The following RANBP17 variants were observed in gnomAD, a reference collection of about 807,000 sequenced individuals.
RANBP17 encodes the protein ran-binding protein 17.
A neutral mutation model predicts 141.2 loss-of-function variants in RANBP17; 158 were observed. The ratio of observed to expected loss-of-function variants is 1.12; its 90% CI spans 0.98 to 1.28. The LOEUF is 1.28. Among genes scored for constraint, RANBP17 ranks in the 50% most tolerant of loss-of-function variants. The pLI is 0.00. For synonymous variants in RANBP17, 430 were observed against 450.0 expected (o/e 0.96, Z 0.56); for missense variants, 1,438 against 1,290.7 (o/e 1.11, Z -1.75).
intron 22 of RANBP17, among the ~76,000 whole-genome samples, chr5:171,224,686 G>A (rs1045902226): frequency 2.6e-5 from 4 of 152,284 alleles, no homozygotes; most frequent in Admixed American, 1.3e-4. Flanking sequence ...GAAGTGGAGT[G>A]GGGGAAGAGA....
chr5:171,221,013 C>G (rs1446399595), intron 21 of RANBP17, among the ~76,000 whole-genome samples: 1 of 152,118 alleles, frequency 6.6e-6, no homozygotes, highest in Non-Finnish European at 1.5e-5. Flanking sequence ...TTAGCAATGT[C>G]TTGCTTTTTG....
intron 14 of RANBP17, among the ~76,000 whole-genome samples, chr5:171,118,904 A>G (rs928240706): frequency 3.9e-5 from 6 of 152,194 alleles, no homozygotes; most frequent in African/African-American, 1.4e-4. Flanking sequence ...TCCAATTTAT[A>G]TGCCCTTTAT....
chr5:171,062,392 A>C (rs908396128), intron 14 of RANBP17, among the ~76,000 whole-genome samples: 2 of 152,088 alleles, frequency 1.3e-5, no homozygotes, highest in African/African-American at 4.8e-5. Flanking sequence ...TTGTCTGTAA[A>C]GTATTTTATT....
intron 22 of RANBP17, among the ~76,000 whole-genome samples, chr5:171,235,171 T>TA (rs2127992072): frequency 1.3e-5 from 2 of 152,276 alleles, no homozygotes; most frequent in East Asian, 3.9e-4. Flanking sequence ...AGTCAGCCAT[T>TA]ACATTTAGCA....
chr5:171,255,536 C>CATACTTCATAGTATGTACAT (rs1561804878), intron 24 of RANBP17, among the ~76,000 whole-genome samples: 1 of 151,906 alleles, frequency 6.6e-6, no homozygotes, highest in Non-Finnish European at 1.5e-5. Flanking sequence ...CACATCTACA[C>CATACTTCATAGTATGTACAT]CATACTTCAT....
At chr5:171,060,773 G>A (rs1472579654) in intron 14 of RANBP17, among the ~76,000 whole-genome samples, 1 of 151,956 alleles carries the variant, frequency 6.6e-6, no homozygotes, top group Non-Finnish European at 1.5e-5. Context: ...GTAGAATTCG[G>A]CTGTGAATCC....
At position 170,909,702 on chromosome 5, in the gene RANBP17, T is replaced by C. The variant is rs1771374073; in HGVS notation, c.531T>C (p.Ala177=). 3.1e-6 allele frequency: 5 copies of C among 1,597,290 alleles called. No homozygotes were observed. Among genetic ancestry groups the C allele is most frequent in the South Asian group, 1.1e-5 (1 of 90,066 alleles). The change falls in exon 6 of 28, where the codon GCT becomes GCC. Residue 177 remains alanine, a synonymous_variant. Transcript: ENST00000523189. ...CTTCAGCAAAACACAGGAAAATAGC[T>C]ACCTCATTTCGTGATACTTCTCTCA... ...SRPSAKHRKI[A]TSFRDTSLKD... is the part of the protein sequence containing the mutation.
At position 170,924,003 on chromosome 5, in the gene RANBP17, C is replaced by CT. The variant is rs549826080; in HGVS notation, c.1275-343dup. Among the ~76,000 whole-genome samples, 150 of 141,742 alleles carry CT rather than the reference C, an allele frequency of 1.1e-3. 1 individual carries two copies. In the South Asian group the frequency reaches 0.018, roughly 17 times the overall value. 93.0% of individuals were successfully genotyped at this position (141,742 alleles called of 152,430 possible). A position where few individuals can be genotyped will look rare whatever the true frequency, so the allele number is the denominator to read the frequency against. Reference sequence around the variant, plus strand: ...TTATTTTTTATTTCTTTTCTTTTTTCTTTTTTTTTTTAGAGACAGAGTCTC... The same window carrying CT: ...TTATTTTTTATTTCTTTTCTTTTTTCTTTTTTTTTTTTAGAGACAGAGTCTC... On this transcript the variant is annotated intron_variant, in intron 11 of 27. Coordinates refer to ENST00000523189, the MANE Select transcript of RANBP17 (RefSeq NM_022897.5).
chr5:170,972,060 T>C (rs1777024667), intron 14 of RANBP17, among the ~76,000 whole-genome samples: 1 of 152,124 alleles, frequency 6.6e-6, no homozygotes, highest in Non-Finnish European at 1.5e-5. Flanking sequence ...CTGTCCTAAA[T>C]TTAGTATTAT....
intron 14 of RANBP17, among the ~76,000 whole-genome samples, chr5:171,060,907 G>A (rs988547493): frequency 4.0e-5 from 6 of 151,752 alleles, no homozygotes; most frequent in African/African-American, 1.5e-4. Context: ...TGTATGTGTC[G>A]AGGAATTTAT....
intron 25 of RANBP17, among the ~76,000 whole-genome samples, chr5:171,274,135 TGTGTGTGTGTGTGTGC>T (rs1290138704): frequency 7.7e-5 from 10 of 129,258 alleles, no homozygotes; most frequent in African/African-American, 2.0e-4. Flanking sequence ...TGTGTGTGTG[TGTGTGTGTGTGTGTGC>T]GCGCGCGCGC....
chr5:171,211,760 T>G (rs1292864929), intron 20 of RANBP17, among the ~76,000 whole-genome samples: 1 of 152,000 alleles, frequency 6.6e-6, no homozygotes, highest in Non-Finnish European at 1.5e-5. Flanking sequence ...TAACATGGTA[T>G]GTCTGTCTAA....
intron 14 of RANBP17, among the ~76,000 whole-genome samples, chr5:171,092,362 G>T (rs1302432023): frequency 6.6e-6 from 1 of 152,160 alleles, no homozygotes; most frequent in Non-Finnish European, 1.5e-5. Flanking sequence ...AAATTCTGTT[G>T]CAGTGACTCA....
intron 14 of RANBP17, among the ~76,000 whole-genome samples, chr5:171,039,184 T>A (rs1273376993): frequency 6.6e-6 from 1 of 151,970 alleles, no homozygotes; most frequent in African/African-American, 2.4e-5. Context: ...CTAATTTATC[T>A]TCCTACCAAC....
intron 3 of RANBP17, among the ~76,000 whole-genome samples, chr5:170,885,763 CAT>C (rs1401053546): frequency 6.6e-6 from 1 of 151,932 alleles, no homozygotes; most frequent in African/African-American, 2.4e-5. Context: ...CCCATTGAAA[CAT>C]ATATTTGATT....
chr5:171,126,340 A>G (rs1479776188), intron 14 of RANBP17, among the ~76,000 whole-genome samples: 14 of 152,208 alleles, frequency 9.2e-5, no homozygotes, highest in Admixed American at 7.2e-4. Context: ...AAGGAATTTT[A>G]TAGCAATAAC....
intron 14 of RANBP17, among the ~76,000 whole-genome samples, chr5:170,978,207 A>T (rs1488041410): frequency 6.6e-6 from 1 of 152,224 alleles, no homozygotes; most frequent in Admixed American, 6.5e-5. Flanking sequence ...AAACTGATCA[A>T]ACCTTGATGA....
chr5:171,132,971 C>A (rs541466212), intron 14 of RANBP17, among the ~76,000 whole-genome samples: 4 of 152,040 alleles, frequency 2.6e-5, no homozygotes, highest in African/African-American at 7.2e-5. Flanking sequence ...CTGCAACCTC[C>A]GCCTTCTGGT....
chr5:171,144,886 T>C (rs921502414), intron 14 of RANBP17, among the ~76,000 whole-genome samples: 5 of 152,206 alleles, frequency 3.3e-5, no homozygotes, highest in Non-Finnish European at 5.9e-5. Flanking sequence ...ACAAGATTTT[T>C]ATATTACTAT....
Sources: gnomAD v4.1 joint callset for allele counts (sites outside exome capture counted in the v4.1 genomes callset) on GRCh38, gnomAD v4.1.1 for gene constraint, MANE v1.5 for transcripts, NCBI Gene and HGNC (gene_info 2026-07-23, HGNC 2026-07-21) for gene names.